Variants in PCDHGA4 observed in about 807,000 individuals in gnomAD.
PCDHGA4 encodes protocadherin gamma subfamily A, 4.
PCDHGA4 carries 38 observed loss-of-function variants against 54.6 expected under a neutral mutation model. The observed-to-expected ratio is 0.70, with a 90% CI of 0.54 to 0.91. PCDHGA4 has a LOEUF of 0.91. Among genes scored for constraint, PCDHGA4 ranks in the 40% least tolerant of loss-of-function variants. The pLI, the probability that PCDHGA4 is intolerant of heterozygous loss-of-function variation, is 0.00. For synonymous variants in PCDHGA4, 511 were observed against 512.9 expected (o/e 1.00, Z 0.05); for missense variants, 1,298 against 1,220.9 (o/e 1.06, Z -0.94).
chr5:141,491,227 C>T lies in PCDHGA4; in HGVS notation c.2515-3580C>T. 6.2e-7 allele frequency: 1 copy of T among 1,614,216 alleles called. No homozygotes were observed. The highest frequency in any genetic ancestry group is 8.5e-7 in the Non-Finnish European group (1 of 1,180,018). On this transcript the variant is annotated intron_variant, in intron 1 of 3. Coordinates refer to ENST00000571252, the MANE Select transcript of PCDHGA4 (RefSeq NM_018917.4). The surrounding 1 kb of genome is among the most constrained non-coding windows in gnomAD (Gnocchi z 6.9). Reference sequence around the variant, plus strand: ...TTCACTCTCCTCCACAGCCACAGTGCTGCTGGTTCTGGAGGATGAGGACCC... The same window carrying T: ...TTCACTCTCCTCCACAGCCACAGTGTTGCTGGTTCTGGAGGATGAGGACCC...
At chr5:141,504,991 G>A (rs896449285) in intron 2 of PCDHGA4, among the ~76,000 whole-genome samples, 44 of 152,034 alleles carry the variant, frequency 2.9e-4, no homozygotes, top group Admixed American at 2.6e-3. Context: ...GTGAAACCCC[G>A]TCTGTACTAA....
rs529134948 is a variant in PCDHGA4, at chr5:141,368,813, A to C, written c.2514+11192A>C. Among the ~76,000 whole-genome samples, 5 of 152,322 alleles carry C rather than the reference A, an allele frequency of 3.3e-5. No individual in the cohort carries two copies. In the East Asian group the frequency reaches 7.7e-4, roughly 24 times the overall value. ...ATTTTTCATACTAATTGAAGTGTTC[A>C]TACAATGAACACTTGGCATTGTGTT... On this transcript the variant is annotated intron_variant, in intron 1 of 3. Coordinates refer to ENST00000571252, the MANE Select transcript of PCDHGA4 (RefSeq NM_018917.4).
At chr5:141,362,044 G>A (rs571731822) in intron 1 of PCDHGA4, 12 of 1,610,458 alleles carry the variant, frequency 7.5e-6, no homozygotes, top group Non-Finnish European at 1.0e-5. Flanking sequence ...CGACAGGGAC[G>A]CGGCCCGCCA....
chr5:141,421,362 C>T (rs2096566609), intron 1 of PCDHGA4: 1 of 1,613,998 alleles, frequency 6.2e-7, no homozygotes, highest in African/African-American at 1.3e-5. Context: ...AGGGCTCCTT[C>T]GTGGGCAATA....
rs925034052 is a variant in PCDHGA4, at chr5:141,486,630, T to G, written c.2515-8177T>G. 2 of 1,613,690 alleles carry G rather than the reference T, an allele frequency of 1.2e-6. No individual in the cohort carries two copies. Among genetic ancestry groups the G allele is most frequent in the Non-Finnish European group, 1.7e-6 (2 of 1,180,028 alleles). ...GCAGCCTCTGACCCAGACTCTGGCTTGAATGCGCTTATCTCCTACTCACTC... is the reference window on the plus strand; with the variant it reads ...GCAGCCTCTGACCCAGACTCTGGCTGGAATGCGCTTATCTCCTACTCACTC... On this transcript the variant is annotated intron_variant, in intron 1 of 3. Coordinates refer to ENST00000571252, the MANE Select transcript of PCDHGA4 (RefSeq NM_018917.4). This position sits in a 1 kb window ranked among gnomAD's most constrained non-coding sequence, Gnocchi z 5.0.
At chr5:141,441,730 A>T in intron 1 of PCDHGA4, 1 of 362,750 alleles carries the variant, frequency 2.8e-6, no homozygotes, top group South Asian at 2.2e-5. Context: ...CGCGACCAGG[A>T]CTAGCTCGCG....
At position 141,491,724 on chromosome 5, in the gene PCDHGA4, G is replaced by A; in HGVS notation, c.2515-3083G>A. ...AGGTGAGGGGCTCGGCGCCGCCCCGGGCGACCCCTGGGGGCGGCACTGGAG... is the reference window on the plus strand; with the variant it reads ...AGGTGAGGGGCTCGGCGCCGCCCCGAGCGACCCCTGGGGGCGGCACTGGAG... On this transcript the variant is annotated intron_variant, in intron 1 of 3. Coordinates refer to ENST00000571252, the MANE Select transcript of PCDHGA4 (RefSeq NM_018917.4). This position sits in a 1 kb window ranked among gnomAD's most constrained non-coding sequence, Gnocchi z 6.9. 1 of 1,606,454 alleles carries A rather than the reference G, an allele frequency of 6.2e-7. No individual in the cohort carries two copies. The highest frequency in any genetic ancestry group is 1.1e-5 in the South Asian group (1 of 90,304).
At chr5:141,415,701 T>C in intron 1 of PCDHGA4, 2 of 1,506,520 alleles carry the variant, frequency 1.3e-6, no homozygotes, top group Non-Finnish European at 1.8e-6. Context: ...AAAGTGTAAA[T>C]GCTAAAACAC....
chr5:141,474,563 A>G lies in PCDHGA4; in HGVS notation c.2515-20244A>G, dbSNP rs143794984. 1.4e-3 allele frequency among the ~76,000 whole-genome samples: 210 copies of G among 152,332 alleles called. 2 individuals are homozygous for G. The highest frequency in any genetic ancestry group is 5.0e-3 in the African/African-American group (207 of 41,572). ...TGAGCATTTAAAACTGGGGGTTTTC[A>G]GAGATTAATTGAAGTGTTAAAGACA... On this transcript the variant is annotated intron_variant, in intron 1 of 3. Coordinates refer to ENST00000571252, the MANE Select transcript of PCDHGA4 (RefSeq NM_018917.4).
intron 1 of PCDHGA4, chr5:141,366,469 G>A (rs575828819): frequency 6.2e-7 from 1 of 1,614,256 alleles, no homozygotes. Context: ...TGCTGCTGGT[G>A]CTCAGACTGA....
At chr5:141,483,501 G>C (rs1022338958) in intron 1 of PCDHGA4, among the ~76,000 whole-genome samples, 2 of 150,394 alleles carry the variant, frequency 1.3e-5, no homozygotes, top group African/African-American at 4.9e-5. Context: ...ATGAGTCAAG[G>C]CTGATCCCCC....
At chr5:141,483,555 C>CAG (rs1415499107) in intron 1 of PCDHGA4, among the ~76,000 whole-genome samples, 2 of 152,152 alleles carry the variant, frequency 1.3e-5, no homozygotes, top group African/African-American at 4.8e-5. Flanking sequence ...GTGCCATTCA[C>CAG]AGAGACAGTG....
intron 1 of PCDHGA4, chr5:141,361,788 A>G (rs1860254): frequency 1.2e-4 from 192 of 1,612,992 alleles, no homozygotes; most frequent in African/African-American, 7.1e-4. Context: ...TGCGCGTGTT[A>G]GTGGGCGACC....
At chr5:141,404,832 G>T in intron 1 of PCDHGA4, 1 of 1,613,864 alleles carries the variant, frequency 6.2e-7, no homozygotes, top group Non-Finnish European at 8.5e-7. Flanking sequence ...GGTGAAGTGC[G>T]CACAGCTCGG....
intron 2 of PCDHGA4, among the ~76,000 whole-genome samples, chr5:141,498,815 C>T (rs1595543994): frequency 6.6e-6 from 1 of 152,032 alleles, no homozygotes. Flanking sequence ...CACCTGTAGT[C>T]CCAGCTACTC....
intron 1 of PCDHGA4, among the ~76,000 whole-genome samples, chr5:141,458,298 A>G (rs2098942125): frequency 6.6e-6 from 1 of 152,178 alleles, no homozygotes; most frequent in African/African-American, 2.4e-5. Context: ...ATGCTGGTTT[A>G]GATAAAATGA....
At chr5:141,405,062 T>C in intron 1 of PCDHGA4, 1 of 1,613,918 alleles carries the variant, frequency 6.2e-7, no homozygotes, top group Non-Finnish European at 8.5e-7. Flanking sequence ...CTCCTGTGTC[T>C]TCCTCACCTT....
rs377248872 is a variant in PCDHGA4 at position 141,489,231 on chromosome 5, C to T, written c.2515-5576C>T. 2 of 1,528,166 alleles carry T rather than the reference C, an allele frequency of 1.3e-6. No homozygotes were observed. The highest frequency in any genetic ancestry group is 1.4e-5 in the African/African-American group (1 of 72,140). The allele number at this position is 1,528,166 out of a possible 1,614,324, so 94.7% of individuals were successfully genotyped here. A position where few individuals can be genotyped will look rare whatever the true frequency, so the allele number is the denominator to read the frequency against. On this transcript the variant is annotated intron_variant, in intron 1 of 3. Transcript: ENST00000571252. This position sits in a 1 kb window ranked among gnomAD's most constrained non-coding sequence, Gnocchi z 4.5. ...CACAGACTTACTCTCCACAAAGGGA[C>T]TTCTGGGTCATGGGGCCCAAGACAC...
rs747437039 is a variant in PCDHGA4 at position 141,413,919 on chromosome 5, G to T, written c.2514+56298G>T. The T allele has an allele frequency of 1.2e-5, 19 of 1,613,284 alleles. 1 individual carries two copies. The highest frequency in any genetic ancestry group is 1.6e-5 in the Non-Finnish European group (19 of 1,179,890). ...ATGACAACGCGCCGGTCTTCACCTT[G>T]CCAGAATACCGAGTGAGTGTTCCTG... On this transcript the variant is annotated intron_variant, in intron 1 of 3. Transcript: ENST00000571252.
Sources: gnomAD v4.1 joint callset for allele counts (sites outside exome capture counted in the v4.1 genomes callset) on GRCh38, gnomAD v4.1.1 for gene constraint, Gnocchi (gnomAD v3.1) non-coding constraint, MANE v1.5 for transcripts, NCBI Gene and HGNC (gene_info 2026-07-23, HGNC 2026-07-21) for gene names.